Variants in WIF1 observed in about 807,000 individuals in gnomAD.
WIF1 encodes Wnt inhibitory factor 1.
Under a neutral mutation model 53.5 loss-of-function variants are expected in WIF1, and 35 were observed. The observed-to-expected ratio is 0.65, with a 90% CI of 0.50 to 0.87. The LOEUF (loss-of-function observed/expected upper bound fraction) is 0.87. Ranked by LOEUF, WIF1 falls within the 40% of genes least tolerant of loss-of-function variation. WIF1 has a pLI of 0.00. For synonymous variants in WIF1, 171 were observed against 170.4 expected (o/e 1.00, Z -0.03); for missense variants, 467 against 476.8 (o/e 0.98, Z 0.19).
intron 8 of WIF1, among the ~76,000 whole-genome samples, chr12:65,055,740 A>T (rs761783597): frequency 6.6e-6 from 1 of 152,230 alleles, no homozygotes; most frequent in Non-Finnish European, 1.5e-5. Flanking sequence ...GCGCCACTGC[A>T]CTCCAGCCTG....
At chr12:65,106,071 G>C (rs1883346983) in intron 2 of WIF1, among the ~76,000 whole-genome samples, 1 of 152,078 alleles carries the variant, frequency 6.6e-6, no homozygotes, top group Non-Finnish European at 1.5e-5. Context: ...TGGCACCATG[G>C]GTCAGGATAT....
chr12:65,069,590 A>G (rs889550265), intron 3 of WIF1, among the ~76,000 whole-genome samples: 1 of 152,164 alleles, frequency 6.6e-6, no homozygotes, highest in Non-Finnish European at 1.5e-5. Flanking sequence ...GATGTGATGA[A>G]ATAATCTCAT....
intron 2 of WIF1, among the ~76,000 whole-genome samples, chr12:65,100,582 T>C (rs1177881460): frequency 6.6e-6 from 1 of 152,184 alleles, no homozygotes; most frequent in Non-Finnish European, 1.5e-5. Context: ...TAATTGGCAA[T>C]TTGACTCAGA....
chr12:65,099,933 C>A (rs1883255679), intron 2 of WIF1, among the ~76,000 whole-genome samples: 2 of 152,126 alleles, frequency 1.3e-5, no homozygotes, highest in African/African-American at 4.8e-5. Context: ...GAAATAACAC[C>A]TCTGAGCATT....
Position 65,077,845 on chromosome 12 carries a change from A to G in WIF1, c.298T>C (p.Phe100Leu), listed in dbSNP as rs1454229174. 1.9e-6 allele frequency: 3 copies of G among 1,613,360 alleles called. No individual in the cohort carries two copies. Among genetic ancestry groups the G allele is most frequent in the African/African-American group, 2.7e-5 (2 of 74,892 alleles). Residue 100 changes from phenylalanine to leucine, a missense_variant, in exon 3 of 10, where the codon TTC becomes CTC. By Grantham distance (22) the Phe-to-Leu change is conservative (BLOSUM62 0). Transcript: ENST00000286574. ...TWQAAGQAEY[F>L]YEFLSLRSLD... is the part of the protein sequence containing the mutation. ...GAGCGCAAGGACAGGAATTCATAGA[A>G]GTATTCTGCCTACAACCAAAGGCAC...
intron 3 of WIF1, among the ~76,000 whole-genome samples, chr12:65,074,616 G>T (rs1349701975): frequency 6.6e-6 from 1 of 151,710 alleles, no homozygotes; most frequent in Non-Finnish European, 1.5e-5. Flanking sequence ...TCAGGAGTTC[G>T]AGACCTGCCT....
intron 2 of WIF1, among the ~76,000 whole-genome samples, chr12:65,114,659 C>T (rs1232381517): frequency 6.6e-6 from 1 of 152,172 alleles, no homozygotes; most frequent in African/African-American, 2.4e-5. Flanking sequence ...GAAAATGTTT[C>T]ACTTGATACG....
chr12:65,052,561 C>T (rs1310660133), intron 9 of WIF1, among the ~76,000 whole-genome samples: 1 of 152,214 alleles, frequency 6.6e-6, no homozygotes, highest in Non-Finnish European at 1.5e-5. Flanking sequence ...CTTAGCAGAA[C>T]TCTGTGCCTC....
intron 2 of WIF1, among the ~76,000 whole-genome samples, chr12:65,081,542 C>A (rs188280515): frequency 6.6e-6 from 1 of 152,110 alleles, no homozygotes; most frequent in African/African-American, 2.4e-5. Context: ...TCTGGACACC[C>A]AATACTCTGA....
At chr12:65,056,972 C>T (rs574283039) in intron 7 of WIF1, among the ~76,000 whole-genome samples, 1 of 152,202 alleles carries the variant, frequency 6.6e-6, no homozygotes, top group South Asian at 2.1e-4. Context: ...TTGAATGTCA[C>T]TTTTTCTGAA....
chr12:65,067,874 C>A (rs1264303639), intron 4 of WIF1, 84 bp from the exon 5 acceptor site: 1 of 1,165,326 alleles, frequency 8.6e-7, no homozygotes, highest in South Asian at 1.3e-5. Flanking sequence ...CAGTAGTGTT[C>A]ATTTCTGTTC....
chr12:65,110,834 C>T (rs1451995905), intron 2 of WIF1, among the ~76,000 whole-genome samples: 1 of 152,138 alleles, frequency 6.6e-6, no homozygotes, highest in Non-Finnish European at 1.5e-5. Flanking sequence ...TCAAGTATTA[C>T]CATTATTCTA....
At chr12:65,066,457 A>G (rs1882688008) in intron 6 of WIF1, among the ~76,000 whole-genome samples, 184 bp downstream of exon 6, 1 of 152,132 alleles carries the variant, frequency 6.6e-6, no homozygotes, top group African/African-American at 2.4e-5. Flanking sequence ...CATTCTGTGA[A>G]TGAAAATAAA....
intron 2 of WIF1, among the ~76,000 whole-genome samples, chr12:65,084,142 T>G (rs1405373192): frequency 9.9e-5 from 15 of 152,154 alleles, no homozygotes; most frequent in Non-Finnish European, 1.2e-4. Flanking sequence ...CCTTTCTTCT[T>G]TTATATCTTA....
Position 65,116,630 on chromosome 12 carries a change from C to G in WIF1, c.288+3787G>C, listed in dbSNP as rs1014365981. On this transcript the variant is annotated intron_variant, in intron 2 of 9. Coordinates refer to ENST00000286574, the MANE Select transcript of WIF1 (RefSeq NM_007191.5). The stretch of plus-strand genomic sequence containing the variant: ...AATCATCCTGAAACCATCCCCCATC[C>G]TGTTCATAGAAAAATTGTCTTCCAC... Among the ~76,000 whole-genome samples, 4 of 151,940 alleles carry G rather than the reference C, an allele frequency of 2.6e-5. No homozygotes were observed. The East Asian group carries it at 7.7e-4, about 29-fold the overall frequency.
chr12:65,061,838 A>G (rs1882616961), intron 7 of WIF1, among the ~76,000 whole-genome samples: 1 of 152,158 alleles, frequency 6.6e-6, no homozygotes, highest in African/African-American at 2.4e-5. Flanking sequence ...TCCAACTGTG[A>G]TTCTCGTTTC....
At chr12:65,059,866 G>T (rs1179979344) in intron 7 of WIF1, among the ~76,000 whole-genome samples, 1 of 152,044 alleles carries the variant, frequency 6.6e-6, no homozygotes, top group Non-Finnish European at 1.5e-5. Flanking sequence ...TGGCCAGGCT[G>T]GTCTCTAACT....
At chr12:65,086,801 G>C (rs900620696) in intron 2 of WIF1, among the ~76,000 whole-genome samples, 15 of 151,634 alleles carry the variant, frequency 9.9e-5, no homozygotes, top group Non-Finnish European at 1.9e-4. Context: ...TGTATGAAGG[G>C]AAAAGAGAAC....
intron 2 of WIF1, among the ~76,000 whole-genome samples, chr12:65,101,241 T>C (rs1287471983): frequency 6.6e-6 from 1 of 152,182 alleles, no homozygotes. Flanking sequence ...CAAAGACAAC[T>C]AGCAATATAA....
Sources: allele counts gnomAD v4.1 joint callset (sites outside exome capture counted in the v4.1 genomes callset), GRCh38; gene constraint gnomAD v4.1.1; transcripts MANE v1.5; gene names NCBI Gene and HGNC (gene_info 2026-07-23, HGNC 2026-07-21).